Variants in PTPRG observed in about 807,000 individuals in gnomAD.
PTPRG encodes the protein protein tyrosine phosphatase receptor type G, also known as receptor-type tyrosine-protein phosphatase gamma.
PTPRG carries 102 observed loss-of-function variants against 165.3 expected under a neutral mutation model. The ratio of observed to expected loss-of-function variants is 0.62; its 90% CI spans 0.53 to 0.73. The LOEUF (loss-of-function observed/expected upper bound fraction) is 0.73, where lower values mean the gene tolerates loss of function less well. Ranked by LOEUF, PTPRG falls within the 30% of genes least tolerant of loss-of-function variation. The pLI is 0.00. For synonymous variants in PTPRG, 675 were observed against 669.5 expected (o/e 1.01, Z -0.13); for missense variants, 1,866 against 1,861.4 (o/e 1.00, Z -0.05).
At chr3:61,885,124 TAGATG>T (rs1486890343) in intron 2 of PTPRG, among the ~76,000 whole-genome samples, 1 of 152,184 alleles carries the variant, frequency 6.6e-6, no homozygotes, top group Non-Finnish European at 1.5e-5. Flanking sequence ...AAAATACAAG[TAGATG>T]AGGTGTAGAG....
At chr3:61,562,394 G>C (rs752447619) in intron 1 of PTPRG, 22 bp downstream of exon 1, 1 of 1,610,658 alleles carries the variant, frequency 6.2e-7, no homozygotes, top group Non-Finnish European at 8.5e-7. Flanking sequence ...CCGCCGAGGG[G>C]ATGCGGCCCC....
rs113497266 is a variant in PTPRG at position 61,688,502 on chromosome 3, G to A, written c.86-60376G>A. Among the ~76,000 whole-genome samples, 345 of 152,314 alleles carry A rather than the reference G, an allele frequency of 2.3e-3. 2 individuals are homozygous for A. The highest frequency in any genetic ancestry group is 8.1e-3 in the African/African-American group (336 of 41,570). The stretch of plus-strand genomic sequence containing the variant: ...GCTGTGGCAGCAGGTCTCAAGCTTT[G>A]TCGGTGATTAGTTGCACGGCGGGGA... On this transcript the variant is annotated intron_variant, in intron 1 of 29. Transcript: ENST00000474889.
intron 1 of PTPRG, among the ~76,000 whole-genome samples, chr3:61,710,746 T>G (rs1343032349): frequency 3.9e-5 from 6 of 152,144 alleles, no homozygotes; most frequent in Non-Finnish European, 8.8e-5. Context: ...TAGACCCTTG[T>G]TCATATAGTT....
In PTPRG at chr3:62,190,584, C is replaced by A. The variant is rs1436364491; in HGVS notation, c.1034-885C>A. ...AGAAGATGAATGAGCCTGACTTTTC[C>A]TTACACCCCACGTCAGGATAATTAC... On this transcript the variant is annotated intron_variant, in intron 8 of 29. Coordinates refer to ENST00000474889, the MANE Select transcript of PTPRG (RefSeq NM_002841.4). The surrounding 1 kb of genome is among the most constrained non-coding windows in gnomAD (Gnocchi z 5.2). 6.6e-6 allele frequency among the ~76,000 whole-genome samples: 1 copy of A among 152,184 alleles called. No individual in the cohort carries two copies. The highest frequency in any genetic ancestry group is 2.4e-5 in the African/African-American group (1 of 41,440).
intron 17 of PTPRG, chr3:62,263,858 C>G (rs1255649261): frequency 6.6e-6 from 1 of 152,198 alleles, no homozygotes; most frequent in Non-Finnish European, 1.5e-5. Flanking sequence ...ACAAAAAATA[C>G]TAAACTTGGC....
chr3:61,872,064 A>G (rs543652928), intron 2 of PTPRG, among the ~76,000 whole-genome samples: 3 of 152,290 alleles, frequency 2.0e-5, no homozygotes, highest in Admixed American at 6.5e-5. Context: ...TATTCCATTG[A>G]CTGTTGAAAT....
intron 2 of PTPRG, among the ~76,000 whole-genome samples, chr3:61,797,594 C>T: frequency 6.7e-6 from 1 of 149,184 alleles, no homozygotes; most frequent in Admixed American, 6.7e-5. Flanking sequence ...CCCCCCCACC[C>T]CCCCACCTCC....
chr3:61,737,689 C>G (rs902624124), intron 1 of PTPRG, among the ~76,000 whole-genome samples: 5 of 152,022 alleles, frequency 3.3e-5, no homozygotes, highest in Non-Finnish European at 5.9e-5. Flanking sequence ...GTGTTTTAAG[C>G]AAAGGGGTGT....
intron 4 of PTPRG, among the ~76,000 whole-genome samples, chr3:62,019,666 A>G (rs1282356916): frequency 6.6e-6 from 1 of 152,140 alleles, no homozygotes; most frequent in African/African-American, 2.4e-5. Context: ...CACACACACA[A>G]ATGGTAAGTA....
intron 2 of PTPRG, among the ~76,000 whole-genome samples, chr3:61,920,481 C>T (rs2039051842): frequency 6.6e-6 from 1 of 152,120 alleles, no homozygotes. Context: ...CTGCAAACTC[C>T]ACCTCCCGGG....
chr3:61,900,283 G>A (rs1307519972), intron 2 of PTPRG, among the ~76,000 whole-genome samples: 1 of 151,982 alleles, frequency 6.6e-6, no homozygotes, highest in Non-Finnish European at 1.5e-5. Context: ...GTTTTGTTTT[G>A]TATTTTTAAT....
chr3:62,080,061 CATTTTTTTT>C (rs1176038473), intron 5 of PTPRG, among the ~76,000 whole-genome samples: 4 of 111,570 alleles, frequency 3.6e-5, no homozygotes, highest in African/African-American at 1.4e-4. Flanking sequence ...CCCTTCGGTT[CATTTTTTTT>C]TTTTTTTTTT....
intron 2 of PTPRG, among the ~76,000 whole-genome samples, chr3:61,952,771 A>G (rs180702363): frequency 1.3e-5 from 2 of 151,154 alleles, no homozygotes. Context: ...TCCTCCGTCT[A>G]CAATTAATCA....
intron 3 of PTPRG, among the ~76,000 whole-genome samples, chr3:61,991,308 C>T (rs9818168): frequency 0.14 from 20,688 of 152,210 alleles, 2,062 homozygotes; most frequent in African/African-American, 0.28. Flanking sequence ...TAGGTTCAAG[C>T]GATTCTCCTG....
chr3:61,810,316 T>C (rs957343353), intron 2 of PTPRG, among the ~76,000 whole-genome samples: 1 of 151,940 alleles, frequency 6.6e-6, no homozygotes, highest in Non-Finnish European at 1.5e-5. Context: ...TGGGCAGGAG[T>C]AATTTAGGAT....
rs560878558 is a variant in PTPRG, at chr3:61,594,972, C to G, written c.85+32600C>G. Among the ~76,000 whole-genome samples, 5 of 152,034 alleles carry G rather than the reference C, an allele frequency of 3.3e-5. No homozygotes were observed. The East Asian group carries it at 7.7e-4, about 24-fold the overall frequency. ...TGATTTTTTTTTTCTTTTAACCATT[C>G]CTTGTCTGTTGCGGGAAAATGAAAG... On this transcript the variant is annotated intron_variant, in intron 1 of 29. Transcript: ENST00000474889.
intron 1 of PTPRG, among the ~76,000 whole-genome samples, chr3:61,569,003 G>T (rs1043390878): frequency 6.6e-6 from 1 of 152,240 alleles, no homozygotes; most frequent in Middle Eastern, 3.4e-3. Flanking sequence ...TTCTGTTTTG[G>T]AAGCCTCCCA....
At chr3:61,668,610 C>G (rs1038313299) in intron 1 of PTPRG, among the ~76,000 whole-genome samples, 10 of 152,130 alleles carry the variant, frequency 6.6e-5, no homozygotes, top group Admixed American at 2.0e-4. Flanking sequence ...AGAAATTATG[C>G]AAATTTTACA....
intron 1 of PTPRG, among the ~76,000 whole-genome samples, chr3:61,648,187 G>C (rs1323857313): frequency 6.6e-6 from 1 of 152,232 alleles, no homozygotes; most frequent in East Asian, 1.9e-4. Context: ...TGGTGATGAA[G>C]ACACTCTGAG....
Sources: gnomAD v4.1 joint callset for allele counts (sites outside exome capture counted in the v4.1 genomes callset) on GRCh38, gnomAD v4.1.1 for gene constraint, Gnocchi (gnomAD v3.1) non-coding constraint, MANE v1.5 for transcripts, NCBI Gene and HGNC (gene_info 2026-07-23, HGNC 2026-07-21) for gene names.